Variants in ABCA13 observed in about 807,000 individuals in gnomAD.
ABCA13 encodes the protein ATP-binding cassette sub-family A member 13.
In ABCA13, 476 loss-of-function variants were observed where a neutral mutation model predicts 478.7. The observed-to-expected ratio is 0.99, with a 90% CI of 0.92 to 1.07. The LOEUF is 1.07. Ranked by LOEUF, ABCA13 falls within the 50% of genes least tolerant of loss-of-function variation. ABCA13 has a pLI of 0.00. For missense variants in ABCA13, 6,060 were observed against 5,910.6 expected (o/e 1.03, Z -0.83); for synonymous variants, 2,252 against 2,158.9 (o/e 1.04, Z -1.20).
intron 55 of ABCA13, among the ~76,000 whole-genome samples, chr7:48,560,281 G>T (rs1400219237): frequency 6.6e-6 from 1 of 152,110 alleles, no homozygotes; most frequent in Non-Finnish European, 1.5e-5. Flanking sequence ...GCATGATTTT[G>T]CTCTCTGCTG....
At chr7:48,194,804 T>C (rs928886635) in intron 2 of ABCA13, among the ~76,000 whole-genome samples, 2 of 151,996 alleles carry the variant, frequency 1.3e-5, no homozygotes, top group African/African-American at 4.8e-5. Flanking sequence ...AAAACCCATG[T>C]GAGTAAAATA....
intron 58 of ABCA13, among the ~76,000 whole-genome samples, chr7:48,601,136 A>G (rs1021280493): frequency 6.6e-6 from 1 of 151,366 alleles, no homozygotes; most frequent in African/African-American, 2.4e-5. Flanking sequence ...ATTTCTTGTA[A>G]TCTTTAACTG....
chr7:48,541,032 T>C (rs1166186551), intron 55 of ABCA13, among the ~76,000 whole-genome samples: 2 of 152,092 alleles, frequency 1.3e-5, no homozygotes, highest in Non-Finnish European at 2.9e-5. Context: ...TTTATGAATT[T>C]GATCAACACA....
At chr7:48,611,348 C>T (rs546474687) in intron 58 of ABCA13, among the ~76,000 whole-genome samples, 2 of 152,312 alleles carry the variant, frequency 1.3e-5, no homozygotes, top group African/African-American at 4.8e-5. Flanking sequence ...CTGTTCCAAC[C>T]TCTGCCCATT....
At position 48,352,206 on chromosome 7, in the gene ABCA13, C is replaced by T. The variant is rs750468995; in HGVS notation, c.10407C>T (p.Phe3469=). ...GTATCATTTTCAGCAATTCCTTATT[C>T]GACAAGAACTTCAGATCAGAGTCTG... ...LASIIFSNSL[F]DKNFRSESVK... The change falls in exon 31 of 62, where the codon TTC becomes TTT. Residue 3469 remains phenylalanine, a synonymous_variant. Coordinates refer to ENST00000435803, the MANE Select transcript of ABCA13 (RefSeq NM_152701.5). The T allele has an allele frequency of 1.1e-5, 18 of 1,605,532 alleles. No homozygotes were observed. In the Admixed American group the frequency reaches 1.3e-4, roughly 12 times the overall value.
Position 48,588,339 on chromosome 7 carries a change from T to C in ABCA13, c.14640+1051T>C, listed in dbSNP as rs111399304. Among the ~76,000 whole-genome samples, 1,051 of 152,296 alleles carry C rather than the reference T, an allele frequency of 6.9e-3. 14 individuals are homozygous for C. Among genetic ancestry groups the C allele is most frequent in the African/African-American group, 0.024 (989 of 41,550 alleles). On this transcript the variant is annotated intron_variant, in intron 57 of 61. Coordinates refer to ENST00000435803, the MANE Select transcript of ABCA13 (RefSeq NM_152701.5). ...CAACATGAGGCAGGATTATGTTGAG[T>C]AGTTAACAAGACGTGGGCATTCATT...
chr7:48,388,452 G>C (rs1815523018), intron 36 of ABCA13, among the ~76,000 whole-genome samples: 1 of 152,188 alleles, frequency 6.6e-6, no homozygotes. Context: ...GACTGTCCCT[G>C]TGCCTCTGCA....
At chr7:48,355,817 T>C (rs1300904451) in intron 31 of ABCA13, among the ~76,000 whole-genome samples, 2 of 151,972 alleles carry the variant, frequency 1.3e-5, no homozygotes, top group Non-Finnish European at 2.9e-5. Context: ...CTAACTATAA[T>C]AGAAAAACTG....
At chr7:48,261,488 C>A (rs1383629681) in intron 15 of ABCA13, among the ~76,000 whole-genome samples, 1 of 151,736 alleles carries the variant, frequency 6.6e-6, no homozygotes, top group Admixed American at 6.6e-5. Context: ...CTTTCTAGAA[C>A]TCCTGTTAGC....
At chr7:48,255,087 G>T (rs1324560638) in intron 15 of ABCA13, among the ~76,000 whole-genome samples, 1 of 152,076 alleles carries the variant, frequency 6.6e-6, no homozygotes, top group East Asian at 1.9e-4. Flanking sequence ...TAGTGGAAGG[G>T]TTGGACTACA....
Position 48,273,372 on chromosome 7 carries a change from G to A in ABCA13, c.3706G>A (p.Val1236Ile), listed in dbSNP as rs377600189. 61 of 1,613,446 alleles carry A rather than the reference G, an allele frequency of 3.8e-5. No individual in the cohort carries two copies. In the African/African-American group the frequency reaches 6.5e-4, roughly 17 times the overall value. Reference protein sequence around the residue: ...EDFLDLRDFLVALGNALVSVK... With the variant: ...EDFLDLRDFLIALGNALVSVK... ...CTTCCTGGATCTCAGGGATTTTTTG[G>A]TAGCTTTAGGTAATGCATTAGTTTC... Residue 1236 changes from valine to isoleucine, a missense_variant, in exon 17 of 62, where the codon GTA becomes ATA. Around this residue, in one of 3 missense-constraint regions of ABCA13, gnomAD observed 4,423 missense variants for 4,309.1 expected, o/e 1.03. Coordinates refer to ENST00000435803, the MANE Select transcript of ABCA13 (RefSeq NM_152701.5).
Position 48,565,624 on chromosome 7 carries a change from C to T in ABCA13, c.14355-14600C>T, listed in dbSNP as rs1176788856. ...CATGTGTGTAATCCCAGCACCCAGA[C>T]TCCATCTCAAAACAAAACAAAACAA... On this transcript the variant is annotated intron_variant, in intron 55 of 61. Transcript: ENST00000435803. Among the ~76,000 whole-genome samples the T allele has an allele frequency of 2.0e-5, 3 of 151,974 alleles. No individual in the cohort carries two copies. The East Asian group carries it at 5.8e-4, about 29-fold the overall frequency.
At chr7:48,281,268 A>C in intron 18 of ABCA13, 75 bp from the exon 19 acceptor site, 1 of 1,213,170 alleles carries the variant, frequency 8.2e-7, no homozygotes, top group East Asian at 2.5e-5. Flanking sequence ...GTTATAACTT[A>C]ACCTACACAG....
Position 48,587,165 on chromosome 7 carries a change from C to T in ABCA13, c.14517C>T (p.Asp4839=). 6.2e-7 allele frequency: 1 copy of T among 1,613,204 alleles called. No homozygotes were observed. Residue 4839 remains aspartate, a synonymous_variant, in exon 57 of 62, where the codon GAC becomes GAT. Transcript: ENST00000435803. The stretch of plus-strand genomic sequence containing the variant: ...TGCCTCTCTTCCAGGTTGCTGGAGA[C>T]CTCATCAGGCGCTTACACCTCGAAG... ...PRQCIPEVAG[D]LIRRLHLEAH... is the part of the protein sequence containing the mutation.
intron 27 of ABCA13, among the ~76,000 whole-genome samples, chr7:48,330,355 A>G (rs1178172256): frequency 6.6e-6 from 1 of 151,736 alleles, no homozygotes; most frequent in Non-Finnish European, 1.5e-5. Flanking sequence ...ACATCCATCC[A>G]TCCATCCACC....
chr7:48,240,098 C>T (rs1304475072), intron 9 of ABCA13, among the ~76,000 whole-genome samples: 1 of 152,222 alleles, frequency 6.6e-6, no homozygotes, highest in African/African-American at 2.4e-5. Context: ...AAAGAACACA[C>T]CTCTTTAACT....
At position 48,644,589 on chromosome 7, in the gene ABCA13, CTTTTTTTTT is replaced by C; in HGVS notation, c.14944-17_14944-9del. On this transcript the variant is annotated intron_variant, in intron 60 of 61. Transcript: ENST00000435803. ...GTTTAATAATGCTAGTTATATGATA[CTTTTTTTTT>C]TTTTTTTTTTGCTTTTAGGGACAGC... is the stretch of plus-strand genomic sequence containing the variant. 2.1e-6 allele frequency: 3 copies of C among 1,412,534 alleles called. No individual in the cohort carries two copies. The highest frequency in any genetic ancestry group is 1.6e-5 in the African/African-American group (1 of 61,146). 87.5% of individuals were successfully genotyped at this position (1,412,534 alleles called of 1,614,324 possible).
chr7:48,325,247 T>C (rs1162085351), intron 27 of ABCA13, among the ~76,000 whole-genome samples: 1 of 152,176 alleles, frequency 6.6e-6, no homozygotes, highest in Non-Finnish European at 1.5e-5. Flanking sequence ...GTATGTTCTG[T>C]AAATAGGACT....
Position 48,358,191 on chromosome 7 carries a change from C to T in ABCA13, c.10688+5704C>T, listed in dbSNP as rs185356951. ...AAGGACAGGACAGGACAGGACAGGACAGGACAGGAAAGGAAAGGAAAAAGG... is the reference window on the plus strand; with the variant it reads ...AAGGACAGGACAGGACAGGACAGGATAGGACAGGAAAGGAAAGGAAAAAGG... On this transcript the variant is annotated intron_variant, in intron 31 of 61. Transcript: ENST00000435803. Among the ~76,000 whole-genome samples the T allele has an allele frequency of 1.4e-3, 173 of 122,618 alleles. 3 individuals are homozygous for T. The highest frequency in any genetic ancestry group is 4.9e-3 in the African/African-American group (158 of 32,274). 80.4% of individuals were successfully genotyped at this position (122,618 alleles called of 152,430 possible).
Sources: gnomAD v4.1 joint callset for allele counts (sites outside exome capture counted in the v4.1 genomes callset) on GRCh38, gnomAD v4.1.1 for gene constraint, gnomAD v4.1.1 regional missense constraint, MANE v1.5 for transcripts, NCBI Gene and HGNC (gene_info 2026-07-23, HGNC 2026-07-21) for gene names.